RFX3: variants seen among roughly 807,000 people sequenced by gnomAD.
RFX3 encodes the protein transcription factor RFX3.
In RFX3, 14 loss-of-function variants were observed where a neutral mutation model predicts 98.6. That is an observed-to-expected ratio of 0.14 (90% CI 0.09 to 0.22). The LOEUF (loss-of-function observed/expected upper bound fraction) is 0.22. RFX3 is among the 10% of genes least tolerant of loss of function. RFX3 has a pLI of 1.00. For synonymous variants in RFX3, 383 were observed against 328.4 expected, an observed-to-expected ratio of 1.17 and a Z score of -1.80; for missense variants, 639 against 926.9, an observed-to-expected ratio of 0.69 and a Z score of 4.03.
chr9:3,296,029 G>T (rs1324446126), intron 5 of RFX3, among the ~76,000 whole-genome samples: 4 of 151,864 alleles, frequency 2.6e-5, no homozygotes, highest in Non-Finnish European at 5.9e-5. Context: ...ATGTAAAAAT[G>T]AGAGCTTACT....
At chr9:3,394,364 G>A (rs1666250616) in intron 2 of RFX3, among the ~76,000 whole-genome samples, 1 of 152,190 alleles carries the variant, frequency 6.6e-6, no homozygotes, top group African/African-American at 2.4e-5. Flanking sequence ...TCTGGAGGCT[G>A]AGGCAGGAGA....
At chr9:3,391,209 G>A (rs537548578) in intron 2 of RFX3, among the ~76,000 whole-genome samples, 6 of 152,012 alleles carry the variant, frequency 3.9e-5, no homozygotes, top group Non-Finnish European at 7.4e-5. Flanking sequence ...AAACATTATA[G>A]GCATGTCAGA....
At chr9:3,462,085 C>G (rs1175581065) in intron 1 of RFX3, among the ~76,000 whole-genome samples, 1 of 151,848 alleles carries the variant, frequency 6.6e-6, no homozygotes, top group Non-Finnish European at 1.5e-5. Context: ...TTTATGAGAC[C>G]AGTGTTACCC....
rs191522222 is a variant in RFX3, at chr9:3,250,045, T to C, written c.1815-1860A>G. 1.1e-4 allele frequency among the ~76,000 whole-genome samples: 17 copies of C among 152,098 alleles called. No individual in the cohort carries two copies. The East Asian group carries it at 3.3e-3, about 29-fold the overall frequency. Reference sequence around the variant, plus strand: ...ACGTCTTTCCTAAAATTCAGTGACATATCACCAATTTGTAAAAATAATTTA... The same window carrying C: ...ACGTCTTTCCTAAAATTCAGTGACACATCACCAATTTGTAAAAATAATTTA... On this transcript the variant is annotated intron_variant, in intron 14 of 16. Transcript: ENST00000617270.
intron 2 of RFX3, among the ~76,000 whole-genome samples, chr9:3,351,616 A>C (rs1835138363): frequency 6.6e-6 from 1 of 152,066 alleles, no homozygotes; most frequent in Non-Finnish European, 1.5e-5. Context: ...ACTCCCTATG[A>C]ATCAATAAAA....
chr9:3,519,589 G>T (rs1479504704), intron 1 of RFX3, among the ~76,000 whole-genome samples: 1 of 152,114 alleles, frequency 6.6e-6, no homozygotes, highest in Non-Finnish European at 1.5e-5. Context: ...CCATAAGGCA[G>T]GGAAGATTGA....
chr9:3,402,895 A>T (rs1011725094), intron 1 of RFX3, among the ~76,000 whole-genome samples: 1 of 151,962 alleles, frequency 6.6e-6, no homozygotes, highest in African/African-American at 2.4e-5. Context: ...ATAATGAACA[A>T]TATTAAGATA....
At chr9:3,427,815 C>A (rs1447568090) in intron 1 of RFX3, among the ~76,000 whole-genome samples, 3 of 152,148 alleles carry the variant, frequency 2.0e-5, no homozygotes, top group Non-Finnish European at 1.5e-5. Flanking sequence ...GTTCATCACT[C>A]AGCCATGACT....
chr9:3,449,831 G>A (rs1413812519), intron 1 of RFX3, among the ~76,000 whole-genome samples: 2 of 147,528 alleles, frequency 1.4e-5, no homozygotes. Context: ...TCACACCACT[G>A]CACTCCAGCC....
At chr9:3,373,661 A>C (rs1394894087) in intron 2 of RFX3, among the ~76,000 whole-genome samples, 1 of 152,194 alleles carries the variant, frequency 6.6e-6, no homozygotes, top group Non-Finnish European at 1.5e-5. Flanking sequence ...AGTTCTGTGA[A>C]GTTCTGGGAA....
intron 1 of RFX3, among the ~76,000 whole-genome samples, chr9:3,446,666 T>C (rs1002285886): frequency 6.6e-6 from 1 of 152,044 alleles, no homozygotes; most frequent in Non-Finnish European, 1.5e-5. Flanking sequence ...TTCTCAATTC[T>C]TTATGATTTT....
chr9:3,474,267 T>C (rs1376584818), intron 1 of RFX3, among the ~76,000 whole-genome samples: 1 of 152,236 alleles, frequency 6.6e-6, no homozygotes, highest in Non-Finnish European at 1.5e-5. Context: ...AACAGTCTAT[T>C]TATACATTTT....
chr9:3,447,397 C>G (rs1371281404), intron 1 of RFX3, among the ~76,000 whole-genome samples: 1 of 151,984 alleles, frequency 6.6e-6, no homozygotes, highest in African/African-American at 2.4e-5. Flanking sequence ...CCCAGCAATG[C>G]AAAAGTTGAG....
chr9:3,435,140 AC>A (rs1845006835), intron 1 of RFX3, among the ~76,000 whole-genome samples: 1 of 152,066 alleles, frequency 6.6e-6, no homozygotes, highest in African/African-American at 2.4e-5. Flanking sequence ...AAGGCCTAAG[AC>A]ATTACTGTAC....
chr9:3,252,373 G>A (rs534973235), intron 14 of RFX3, among the ~76,000 whole-genome samples: 3 of 152,150 alleles, frequency 2.0e-5, no homozygotes, highest in Non-Finnish European at 2.9e-5. Flanking sequence ...AAGTTAGGGA[G>A]TAAGAGATCC....
chr9:3,412,963 AAT>A (rs1435586844), intron 1 of RFX3, among the ~76,000 whole-genome samples: 1 of 152,146 alleles, frequency 6.6e-6, no homozygotes, highest in Non-Finnish European at 1.5e-5. Context: ...ATAAGATTCT[AAT>A]ATGTTTTATA....
chr9:3,373,950 C>T (rs568801778), intron 2 of RFX3, among the ~76,000 whole-genome samples: 19 of 152,144 alleles, frequency 1.2e-4, no homozygotes, highest in Admixed American at 2.0e-4. Context: ...TGGTGGCATG[C>T]GCCTGTAGTC....
intron 1 of RFX3, among the ~76,000 whole-genome samples, chr9:3,501,260 T>G (rs577931155): frequency 6.6e-6 from 1 of 152,172 alleles, no homozygotes; most frequent in African/African-American, 2.4e-5. Context: ...TCAGTAAATG[T>G]TGCCAAATAG....
chr9:3,333,469 C>G (rs1832827306), intron 3 of RFX3, among the ~76,000 whole-genome samples: 1 of 145,190 alleles, frequency 6.9e-6, no homozygotes, highest in South Asian at 2.2e-4. Context: ...AGAAAAATGT[C>G]ACTTAAAATA....
Sources: gnomAD v4.1 joint callset for allele counts (sites outside exome capture counted in the v4.1 genomes callset) on GRCh38, gnomAD v4.1.1 for gene constraint, MANE v1.5 for transcripts, NCBI Gene and HGNC (gene_info 2026-07-23, HGNC 2026-07-21) for gene names.